MAP3K1: variants seen among roughly 807,000 people sequenced by gnomAD.
The protein encoded by MAP3K1 is MAP/ERK kinase kinase 1.
Under a neutral mutation model 144.2 loss-of-function variants are expected in MAP3K1, and 36 were observed. The observed-to-expected ratio is 0.25, with a 90% CI of 0.19 to 0.33. The LOEUF (loss-of-function observed/expected upper bound fraction) is 0.33, where lower values mean the gene tolerates loss of function less well. MAP3K1 is among the 10% of genes least tolerant of loss of function. The pLI is 1.00. For missense variants in MAP3K1, 1,650 were observed against 1,881.9 expected, an observed-to-expected ratio of 0.88 and a Z score of 2.28; for synonymous variants, 718 against 688.7, an observed-to-expected ratio of 1.04 and a Z score of -0.67.
At chr5:56,852,914 C>A (rs252920) in intron 1 of MAP3K1, among the ~76,000 whole-genome samples, 75,252 of 151,930 alleles carry the variant, frequency 0.5, 21,132 homozygotes, top group Non-Finnish European at 0.65. Flanking sequence ...CATACACACA[C>A]ACACTCATCT....
rs1211984576 is a variant in MAP3K1, at chr5:56,875,397, C to G, written c.1965+87C>G. 50 of 1,410,396 alleles carry G rather than the reference C, an allele frequency of 3.5e-5. No homozygotes were observed. In the South Asian group the frequency reaches 4.5e-4, roughly 13 times the overall value. 87.4% of individuals were successfully genotyped at this position (1,410,396 alleles called of 1,614,324 possible). The stretch of plus-strand genomic sequence containing the variant: ...ATAGTGTTTTTAAGATACAATAAAG[C>G]TACTTTACCTAATTTTGGAAAATCC... On this transcript the variant is annotated intron_variant, in intron 10 of 19. Transcript: ENST00000399503.
intron 1 of MAP3K1, among the ~76,000 whole-genome samples, chr5:56,831,386 T>G (rs1039309012): frequency 2.0e-5 from 3 of 152,102 alleles, no homozygotes; most frequent in Non-Finnish European, 4.4e-5. Flanking sequence ...ACCAGTGAAC[T>G]CCAAAACCTA....
intron 1 of MAP3K1, chr5:56,817,071 G>C: frequency 4.1e-6 from 4 of 985,436 alleles, no homozygotes; most frequent in Non-Finnish European, 4.8e-6. Context: ...GGTGGGCTTC[G>C]GCTCAGATGC....
chr5:56,859,858 T>C lies in MAP3K1; in HGVS notation c.777T>C (p.Gly259=). Residue 259 remains glycine, a synonymous_variant, in exon 3 of 20, where the codon GGT becomes GGC. Coordinates refer to ENST00000399503, the MANE Select transcript of MAP3K1 (RefSeq NM_005921.2). ...RSPSPGNSPS[G]RTVKSESPGV... ...CTTCTCCTGGCAACTCCCCATCAGG[T>C]CGCACAGTGAAATCAGAATCTCCAG... The C allele has an allele frequency of 6.2e-7, 1 of 1,613,884 alleles. No individual in the cohort carries two copies. Among genetic ancestry groups the C allele is most frequent in the East Asian group, 2.2e-5 (1 of 44,844 alleles).
intron 19 of MAP3K1, among the ~76,000 whole-genome samples, chr5:56,888,764 A>C (rs554151819): frequency 3.3e-5 from 5 of 152,190 alleles, no homozygotes; most frequent in Admixed American, 3.3e-4. Flanking sequence ...GGTAGGCCAG[A>C]CTAAGCTATA....
intron 1 of MAP3K1, chr5:56,820,819 A>G (rs1456579574): frequency 2.0e-6 from 2 of 984,902 alleles, no homozygotes; most frequent in Non-Finnish European, 2.4e-6. Context: ...TTCTGTCGGT[A>G]GGTTGTAGTA....
chr5:56,891,159 CCA>C (rs1191567328), intron 19 of MAP3K1, among the ~76,000 whole-genome samples: 151 of 144,678 alleles, frequency 1.0e-3, no homozygotes, highest in African/African-American at 3.3e-3. Context: ...CCCCCCCCCC[CCA>C]CACACACACA....
intron 17 of MAP3K1, among the ~76,000 whole-genome samples, chr5:56,886,317 T>C (rs1323721356): frequency 1.3e-5 from 2 of 152,104 alleles, no homozygotes; most frequent in East Asian, 1.9e-4. Context: ...GACAGGAGAA[T>C]TGCTTGAACC....
chr5:56,839,872 C>A (rs1746759881), intron 1 of MAP3K1, among the ~76,000 whole-genome samples: 1 of 149,908 alleles, frequency 6.7e-6, no homozygotes, highest in African/African-American at 2.5e-5. Flanking sequence ...CCACCTGTGA[C>A]CCTGAACTGG....
At chr5:56,828,170 C>T (rs1746378033) in intron 1 of MAP3K1, among the ~76,000 whole-genome samples, 1 of 152,124 alleles carries the variant, frequency 6.6e-6, no homozygotes. Flanking sequence ...GATAATACAT[C>T]ATCTTGATAA....
intron 1 of MAP3K1, among the ~76,000 whole-genome samples, chr5:56,825,960 C>G (rs1240080728): frequency 6.7e-6 from 1 of 149,608 alleles, no homozygotes; most frequent in Non-Finnish European, 1.5e-5. Flanking sequence ...CTCAACTGAC[C>G]GTTCTTCTTT....
chr5:56,836,025 A>G (rs1746644685), intron 1 of MAP3K1, among the ~76,000 whole-genome samples: 1 of 152,240 alleles, frequency 6.6e-6, no homozygotes, highest in South Asian at 2.1e-4. Flanking sequence ...GGAAGATGGC[A>G]GTAATGAAAC....
intron 1 of MAP3K1, among the ~76,000 whole-genome samples, chr5:56,836,093 G>T (rs1446745607): frequency 6.6e-6 from 1 of 152,156 alleles, no homozygotes; most frequent in African/African-American, 2.4e-5. Context: ...GTTTGTAAGT[G>T]TGCGCAGAAC....
At chr5:56,886,237 C>T (rs971367108) in intron 17 of MAP3K1, among the ~76,000 whole-genome samples, 174 bp downstream of exon 17, 1 of 152,114 alleles carries the variant, frequency 6.6e-6, no homozygotes, top group Non-Finnish European at 1.5e-5. Flanking sequence ...AACCCTGTCT[C>T]TACTAAAAAT....
chr5:56,854,091 A>G (rs1343157439), intron 1 of MAP3K1, among the ~76,000 whole-genome samples: 1 of 152,194 alleles, frequency 6.6e-6, no homozygotes, highest in Non-Finnish European at 1.5e-5. Flanking sequence ...AATATTATCA[A>G]AAGTCTTCAT....
chr5:56,883,623 T>G lies in MAP3K1; in HGVS notation c.3763T>G (p.Ser1255Ala). The change falls in exon 15 of 20, where the codon TCT (serine) becomes GCT (alanine). Residue 1255 changes from serine to alanine, a missense_variant. Physicochemically the swap from Ser to Ala is moderately conservative, Grantham distance 99 (BLOSUM62 1). Around this residue, in one of 6 missense-constraint regions of MAP3K1, gnomAD observed 165 missense variants for 322.9 expected, o/e 0.51. Coordinates refer to ENST00000399503, the MANE Select transcript of MAP3K1 (RefSeq NM_005921.2). ...TCAACAGATAGGCCTTGGAGCATTT[T>G]CTTCTTGTTATCAGGCTCAAGATGT... ...KGQQIGLGAF[S>A]SCYQAQDVGT... is the part of the protein sequence containing the mutation. 1 of 1,614,164 alleles carries G rather than the reference T, an allele frequency of 6.2e-7. No homozygotes were observed.
In MAP3K1 at chr5:56,858,294, G is replaced by C. The variant is rs113999153; in HGVS notation, c.634-1421G>C. Among the ~76,000 whole-genome samples, 1,103 of 152,260 alleles carry C rather than the reference G, an allele frequency of 7.2e-3. 22 individuals are homozygous for C. The highest frequency in any genetic ancestry group is 0.024 in the African/African-American group (1,004 of 41,544). ...GCATAAATCACAACTTTTTAAAAATGAGCCAGCTATTTGTTCTTTATTATA... is the reference window on the plus strand; with the variant it reads ...GCATAAATCACAACTTTTTAAAAATCAGCCAGCTATTTGTTCTTTATTATA... On this transcript the variant is annotated intron_variant, in intron 2 of 19. Coordinates refer to ENST00000399503, the MANE Select transcript of MAP3K1 (RefSeq NM_005921.2).
chr5:56,843,958 C>G (rs905701319), intron 1 of MAP3K1, among the ~76,000 whole-genome samples: 2 of 152,088 alleles, frequency 1.3e-5, no homozygotes, highest in African/African-American at 4.8e-5. Flanking sequence ...TTCCAAGGAA[C>G]ACTGCGCTAT....
chr5:56,889,045 G>A (rs1271402169), intron 19 of MAP3K1, among the ~76,000 whole-genome samples: 2 of 152,152 alleles, frequency 1.3e-5, no homozygotes, highest in Non-Finnish European at 2.9e-5. Context: ...AATATGTAGT[G>A]TGTTTATATG....
Sources: gnomAD v4.1 joint callset for allele counts (sites outside exome capture counted in the v4.1 genomes callset) on GRCh38, gnomAD v4.1.1 for gene constraint, gnomAD v4.1.1 regional missense constraint, MANE v1.5 for transcripts, NCBI Gene and HGNC (gene_info 2026-07-23, HGNC 2026-07-21) for gene names.